RP1: variants seen among roughly 807,000 people sequenced by gnomAD.
RP1 encodes RP1 axonemal microtubule associated, also known as oxygen-regulated protein 1.
In RP1, 16 loss-of-function variants were observed where a neutral mutation model predicts 14.8. The observed-to-expected ratio is 1.08, with a 90% CI of 0.73 to 1.65. The LOEUF (loss-of-function observed/expected upper bound fraction) is 1.65, where lower values mean the gene tolerates loss of function less well. Among genes scored for constraint, RP1 ranks in the 40% most tolerant of loss-of-function variants. RP1 has a pLI of 0.00. For synonymous variants in RP1, 876 were observed against 883.6 expected, an observed-to-expected ratio of 0.99 and a Z score of 0.15; for missense variants, 2,631 against 2,535.0, an observed-to-expected ratio of 1.04 and a Z score of -0.81.
At chr8:54,800,588 A>T (rs1810682279) in intron 24 of RP1, among the ~76,000 whole-genome samples, 2 of 152,090 alleles carry the variant, frequency 1.3e-5, no homozygotes. Flanking sequence ...CAATTAACCA[A>T]TCTAAATATT....
chr8:54,601,487 G>A (rs1805285353), intron 1 of RP1, among the ~76,000 whole-genome samples: 2 of 151,708 alleles, frequency 1.3e-5, no homozygotes, highest in African/African-American at 2.4e-5. Flanking sequence ...ACGAGTTAGT[G>A]GGTGCAGCGC....
intron 3 of RP1, among the ~76,000 whole-genome samples, chr8:54,643,388 C>T (rs1322857156): frequency 6.6e-6 from 1 of 152,148 alleles, no homozygotes; most frequent in East Asian, 1.9e-4. Flanking sequence ...TAGGAAAGAA[C>T]TCATTTGCTT....
intron 12 of RP1, among the ~76,000 whole-genome samples, chr8:54,685,278 T>C (rs1807536934): frequency 6.6e-6 from 1 of 152,176 alleles, no homozygotes; most frequent in African/African-American, 2.4e-5. Context: ...TCTAACTTTT[T>C]GATGAGGGCA....
At chr8:54,861,105 A>T (rs1260218051) in intron 27 of RP1, among the ~76,000 whole-genome samples, 1 of 152,234 alleles carries the variant, frequency 6.6e-6, no homozygotes, top group African/African-American at 2.4e-5. Flanking sequence ...ACACTAAAAG[A>T]AAAGTATACC....
intron 1 of RP1, among the ~76,000 whole-genome samples, chr8:54,602,214 G>T (rs1279461201): frequency 6.6e-6 from 1 of 152,138 alleles, no homozygotes; most frequent in Admixed American, 6.5e-5. Flanking sequence ...AGGCCCCAGT[G>T]TGTGATGTTC....
intron 6 of RP1, among the ~76,000 whole-genome samples, chr8:54,661,190 T>G (rs1206909594): frequency 6.8e-6 from 1 of 147,286 alleles, no homozygotes; most frequent in Admixed American, 6.8e-5. Context: ...TAATATAATG[T>G]TATAATATAT....
chr8:54,749,658 G>A (rs1293401605), intron 19 of RP1, among the ~76,000 whole-genome samples: 2 of 152,086 alleles, frequency 1.3e-5, no homozygotes, highest in Non-Finnish European at 2.9e-5. Flanking sequence ...AGTTTAGAGA[G>A]GAATGGCCTC....
At chr8:54,726,199 T>C (rs2129352651) in intron 16 of RP1, 1 of 923,890 alleles carries the variant, frequency 1.1e-6, no homozygotes, top group Non-Finnish European at 1.5e-6. Context: ...CTGTTAACTA[T>C]GTAATTCTGA....
At chr8:54,729,737 T>A (rs1356444689) in intron 17 of RP1, among the ~76,000 whole-genome samples, 1 of 152,036 alleles carries the variant, frequency 6.6e-6, no homozygotes, top group Non-Finnish European at 1.5e-5. Flanking sequence ...TCATAATAAA[T>A]ATTTTAAATA....
chr8:54,778,088 T>C (rs1330533250), intron 23 of RP1, among the ~76,000 whole-genome samples: 4 of 152,098 alleles, frequency 2.6e-5, no homozygotes, highest in Admixed American at 2.6e-4. Flanking sequence ...CACCCATTCG[T>C]TTTTTGAAAG....
intron 25 of RP1, among the ~76,000 whole-genome samples, chr8:54,851,052 T>G (rs1409990376): frequency 6.7e-6 from 1 of 150,154 alleles, no homozygotes; most frequent in Non-Finnish European, 1.5e-5. Flanking sequence ...TACACGTACG[T>G]GTGTGTGTGT....
rs758046985 is a variant in RP1, at chr8:54,629,837, T to C, written c.5955T>C (p.Ile1985=). 5.6e-6 allele frequency: 9 copies of C among 1,613,362 alleles called. No individual in the cohort carries two copies. The highest frequency in any genetic ancestry group is 7.6e-6 in the Non-Finnish European group (9 of 1,179,860). ...GACAAAATCTTATTGATAATGCCAT[T>C]GGTGATATATTTGATCAGTTTTATT... ...SMRQNLIDNA[I]GDIFDQFYFS... Residue 1985 remains isoleucine, a synonymous_variant, in exon 4 of 4, where the codon ATT becomes ATC. Transcript: ENST00000220676.
chr8:54,867,934 T>C (rs1002850600), intron 28 of RP1, among the ~76,000 whole-genome samples: 4 of 152,204 alleles, frequency 2.6e-5, no homozygotes, highest in African/African-American at 9.6e-5. Flanking sequence ...GACTACCATA[T>C]TGGCCAGTAT....
chr8:54,687,097 T>C, intron 12 of RP1, among the ~76,000 whole-genome samples: 1 of 152,262 alleles, frequency 6.6e-6, no homozygotes, highest in East Asian at 1.9e-4. Flanking sequence ...TCTTTTTTTA[T>C]TATTAAAAAG....
At chr8:54,561,402 T>A (rs1331408635) in intron 1 of RP1, among the ~76,000 whole-genome samples, 1 of 152,236 alleles carries the variant, frequency 6.6e-6, no homozygotes, top group African/African-American at 2.4e-5. Flanking sequence ...AATAGGTGTT[T>A]AGTTTCTGTT....
chr8:54,663,009 C>A (rs1806935086), intron 6 of RP1, among the ~76,000 whole-genome samples: 1 of 152,066 alleles, frequency 6.6e-6, no homozygotes, highest in Non-Finnish European at 1.5e-5. Flanking sequence ...CACTTGCTGT[C>A]CAAAAATATT....
Position 54,628,666 on chromosome 8 carries a change from G to A in RP1, c.4784G>A (p.Arg1595Gln), listed in dbSNP as rs35084330. Residue 1595 changes from arginine to glutamine, a missense_variant, in exon 4 of 4, where the codon CGG becomes CAG. By Grantham distance (43) the Arg-to-Gln change is conservative. Transcript: ENST00000220676. ...SPVTSDWSDY[R>Q]PDSDSEQPYK... is the part of the protein sequence containing the mutation. ...GTGACTTCTGATTGGTCAGACTATC[G>A]GCCTGACAGTGACAGTGAGCAGCCA... The A allele has an allele frequency of 0.017, 27,051 of 1,613,912 alleles. 388 individuals are homozygous for A. The highest frequency in any genetic ancestry group is 0.069 in the African/African-American group (5,192 of 74,972).
At chr8:54,655,187 T>C (rs932059904) in intron 5 of RP1, among the ~76,000 whole-genome samples, 4 of 152,174 alleles carry the variant, frequency 2.6e-5, no homozygotes, top group African/African-American at 9.7e-5. Flanking sequence ...GAAAACATAC[T>C]GAAGTTTTAA....
chr8:54,575,864 A>G (rs1449365514), intron 1 of RP1, among the ~76,000 whole-genome samples: 1 of 151,962 alleles, frequency 6.6e-6, no homozygotes, highest in African/African-American at 2.4e-5. Flanking sequence ...AATAATGTCT[A>G]TTTCTGTAGC....
Sources: allele counts gnomAD v4.1 joint callset (sites outside exome capture counted in the v4.1 genomes callset), GRCh38; gene constraint gnomAD v4.1.1; transcripts MANE v1.5; gene names NCBI Gene and HGNC (gene_info 2026-07-23, HGNC 2026-07-21).